SLC1A2: variants seen among roughly 807,000 people sequenced by gnomAD.
SLC1A2 encodes solute carrier family 1 member 2.
A neutral mutation model predicts 48.8 loss-of-function variants in SLC1A2; 15 were observed. That is an observed-to-expected ratio of 0.31 (90% confidence interval 0.21 to 0.47). SLC1A2 has a LOEUF of 0.47. Among genes scored for constraint, SLC1A2 ranks in the 20% least tolerant of loss-of-function variants. The probability of loss-of-function intolerance (pLI) is 0.99; values close to 1 mark genes in which losing one functional copy is unlikely to be tolerated. For synonymous variants in SLC1A2, 279 were observed against 272.6 expected, an observed-to-expected ratio of 1.02 and a Z score of -0.23; for missense variants, 502 against 730.5, an observed-to-expected ratio of 0.69 and a Z score of 3.61.
At chr11:35,284,085 T>TA (rs1850728685) in intron 8 of SLC1A2, among the ~76,000 whole-genome samples, 3 of 64,980 alleles carry the variant, frequency 4.6e-5, no homozygotes, top group Non-Finnish European at 6.4e-5. Flanking sequence ...GTGAAGATTT[T>TA]ATTATATATA....
intron 1 of SLC1A2, among the ~76,000 whole-genome samples, chr11:35,383,114 T>G (rs1854484007): frequency 6.6e-6 from 1 of 152,186 alleles, no homozygotes; most frequent in African/African-American, 2.4e-5. Flanking sequence ...TAGCCATGAC[T>G]GGAAAACACT....
chr11:35,385,691 G>A lies in SLC1A2; in HGVS notation c.17+33259C>T, dbSNP rs556512620. On this transcript the variant is annotated intron_variant, in intron 1 of 10. Transcript: ENST00000278379. ...AGGGAGCTTGGTTTTATTTTTCTCT[G>A]ATTGCTTGGATTCTCCTTAGCATCT... Among the ~76,000 whole-genome samples the A allele has an allele frequency of 2.1e-3, 326 of 152,188 alleles. 2 individuals carry two copies. Among genetic ancestry groups the A allele is most frequent in the African/African-American group, 7.7e-3 (321 of 41,516 alleles).
At chr11:35,377,166 A>G (rs143013347) in intron 1 of SLC1A2, among the ~76,000 whole-genome samples, 117 of 152,338 alleles carry the variant, frequency 7.7e-4, no homozygotes, top group Non-Finnish European at 1.4e-3. Context: ...AGCCATTAAT[A>G]TTATTCCCAT....
At chr11:35,404,832 G>C (rs558322184) in intron 1 of SLC1A2, among the ~76,000 whole-genome samples, 1 of 152,298 alleles carries the variant, frequency 6.6e-6, no homozygotes, top group Admixed American at 6.5e-5. Flanking sequence ...GTATATGCTT[G>C]GTTCTCGCAA....
chr11:35,330,868 C>A (rs1292422703), intron 1 of SLC1A2, among the ~76,000 whole-genome samples: 1 of 152,184 alleles, frequency 6.6e-6, no homozygotes, highest in East Asian at 1.9e-4. Flanking sequence ...TTGATTTTAG[C>A]CCAGTGAGAC....
At chr11:35,265,459 T>A in intron 10 of SLC1A2, 68 bp downstream of exon 10, 1 of 832,240 alleles carries the variant, frequency 1.2e-6, no homozygotes, top group Non-Finnish European at 2.0e-6. Flanking sequence ...TACGGTTTTT[T>A]TTTTTTTAAA....
At chr11:35,348,947 TTCCCAAAGGAGAAGGA>T (rs1289549740) in intron 1 of SLC1A2, among the ~76,000 whole-genome samples, 3 of 148,240 alleles carry the variant, frequency 2.0e-5, no homozygotes, top group African/African-American at 7.5e-5. Context: ...TGGGAACAGG[TTCCCAAAGGAGAAGGA>T]TGTGTGCTGA....
intron 8 of SLC1A2, among the ~76,000 whole-genome samples, chr11:35,282,603 A>C (rs755746542): frequency 1.3e-5 from 2 of 152,004 alleles, no homozygotes; most frequent in African/African-American, 2.4e-5. Context: ...TAAAGCCCTG[A>C]AAGCTGGAAG....
chr11:35,304,941 A>G (rs1052294192), intron 5 of SLC1A2, among the ~76,000 whole-genome samples: 2 of 152,366 alleles, frequency 1.3e-5, no homozygotes, highest in African/African-American at 4.8e-5. Flanking sequence ...CTAAGGAGAC[A>G]AGGCCATGTG....
At chr11:35,321,171 A>G (rs1237108240) in intron 1 of SLC1A2, among the ~76,000 whole-genome samples, 2 of 152,226 alleles carry the variant, frequency 1.3e-5, no homozygotes, top group East Asian at 1.9e-4. Context: ...CTCACTCACT[A>G]TCACAAAAAC....
chr11:35,276,146 G>T (rs1183825776), intron 9 of SLC1A2, among the ~76,000 whole-genome samples: 1 of 152,130 alleles, frequency 6.6e-6, no homozygotes, highest in Non-Finnish European at 1.5e-5. Flanking sequence ...GCACTCAAAG[G>T]CATTGAACCT....
intron 1 of SLC1A2, among the ~76,000 whole-genome samples, chr11:35,334,748 T>C (rs374031117): frequency 2.0e-5 from 3 of 152,286 alleles, no homozygotes; most frequent in East Asian, 3.9e-4. Flanking sequence ...CCAGTCTACT[T>C]TGGGGGGCAG....
At chr11:35,368,730 C>T (rs754992044) in intron 1 of SLC1A2, among the ~76,000 whole-genome samples, 2 of 152,206 alleles carry the variant, frequency 1.3e-5, no homozygotes, top group Non-Finnish European at 2.9e-5. Flanking sequence ...ATACAGAGAA[C>T]AATGGTGCAT....
intron 4 of SLC1A2, among the ~76,000 whole-genome samples, chr11:35,310,018 G>T (rs1245418757): frequency 6.6e-6 from 1 of 152,230 alleles, no homozygotes; most frequent in East Asian, 1.9e-4. Context: ...AGCAGCCTTT[G>T]CCATGGGCAG....
At chr11:35,266,325 C>G (rs749155320) in intron 9 of SLC1A2, among the ~76,000 whole-genome samples, 1 of 152,216 alleles carries the variant, frequency 6.6e-6, no homozygotes, top group Non-Finnish European at 1.5e-5. Flanking sequence ...CCCTCACACA[C>G]AGACGCAGCT....
intron 9 of SLC1A2, among the ~76,000 whole-genome samples, chr11:35,279,018 GA>G (rs1252692028): frequency 4.0e-5 from 6 of 151,642 alleles, no homozygotes; most frequent in Non-Finnish European, 8.8e-5. Context: ...GACTCCATCT[GA>G]AAAAAAAGAA....
chr11:35,283,995 A>G (rs1591425961), intron 8 of SLC1A2, among the ~76,000 whole-genome samples: 1 of 149,066 alleles, frequency 6.7e-6, no homozygotes, highest in African/African-American at 2.5e-5. Context: ...GTTCTCAGCC[A>G]CCCTAGAATT....
At chr11:35,300,889 T>G (rs1443241485) in intron 6 of SLC1A2, among the ~76,000 whole-genome samples, 2 of 152,042 alleles carry the variant, frequency 1.3e-5, no homozygotes, top group African/African-American at 4.8e-5. Context: ...CATGGTAGTG[T>G]GCACCTGTAG....
upstream of SLC1A2, among the ~76,000 whole-genome samples, chr11:35,420,310 A>G (rs1206296416): frequency 6.6e-6 from 1 of 151,766 alleles, no homozygotes; most frequent in Non-Finnish European, 1.5e-5. Flanking sequence ...GGGCTTGTGC[A>G]AGGGAGAGTT....
Sources: allele counts gnomAD v4.1 joint callset (sites outside exome capture counted in the v4.1 genomes callset), GRCh38; gene constraint gnomAD v4.1.1; transcripts MANE v1.5; gene names NCBI Gene and HGNC (gene_info 2026-07-23, HGNC 2026-07-21).